Variants in ZDHHC14 observed in about 807,000 individuals in gnomAD.
ZDHHC14 encodes zDHHC palmitoyltransferase 14.
A neutral mutation model predicts 47.7 loss-of-function variants in ZDHHC14; 16 were observed. The ratio of observed to expected loss-of-function variants is 0.34; its 90% CI spans 0.23 to 0.51. The LOEUF (loss-of-function observed/expected upper bound fraction) is 0.51. ZDHHC14 is among the 20% of genes least tolerant of loss of function. The probability of loss-of-function intolerance (pLI) is 0.97; values close to 1 mark genes in which losing one functional copy is unlikely to be tolerated. For missense variants in ZDHHC14, 515 were observed against 662.5 expected (o/e 0.78, Z 2.44); for synonymous variants, 293 against 278.9 (o/e 1.05, Z -0.50).
intron 1 of ZDHHC14, among the ~76,000 whole-genome samples, chr6:157,541,604 G>A (rs995144799): frequency 2.6e-5 from 4 of 152,162 alleles, no homozygotes; most frequent in East Asian, 1.9e-4. Context: ...GTGATTCTGC[G>A]TCATGTTCCC....
intron 1 of ZDHHC14, among the ~76,000 whole-genome samples, chr6:157,528,539 GGC>G (rs1413811657): frequency 6.6e-6 from 1 of 152,036 alleles, no homozygotes; most frequent in Non-Finnish European, 1.5e-5. Flanking sequence ...AGACCATCCT[GGC>G]TAACATGGTG....
At chr6:157,552,879 T>C (rs927246921) in intron 2 of ZDHHC14, among the ~76,000 whole-genome samples, 2 of 152,248 alleles carry the variant, frequency 1.3e-5, no homozygotes, top group African/African-American at 4.8e-5. Flanking sequence ...TAGAGCCATC[T>C]GCCAAACTAC....
At position 157,504,622 on chromosome 6, in the gene ZDHHC14, G is replaced by GTTTAAACGAAGAA. The variant is rs534093663; in HGVS notation, c.246-37963_246-37962insTTTAAACGAAGAA. Among the ~76,000 whole-genome samples, 30 of 149,744 alleles carry GTTTAAACGAAGAA rather than the reference G, an allele frequency of 2.0e-4. No individual in the cohort carries two copies. The South Asian group carries it at 6.2e-3, about 31-fold the overall frequency. On this transcript the variant is annotated intron_variant, in intron 1 of 8. Coordinates refer to ENST00000359775, the MANE Select transcript of ZDHHC14 (RefSeq NM_024630.3). ...GATGGGGTTTCACCACGTTGGCCAA[G>GTTTAAACGAAGAA]CTGGTCTTGAACTCCTGACCTCAGG...
chr6:157,553,690 C>T (rs1400465486), intron 2 of ZDHHC14, among the ~76,000 whole-genome samples: 1 of 152,130 alleles, frequency 6.6e-6, no homozygotes, highest in African/African-American at 2.4e-5. Context: ...TATCTCCCTT[C>T]CCTCTGTGCC....
Position 157,518,324 on chromosome 6 carries a change from AGGCAT to A in ZDHHC14, c.246-24258_246-24254del, listed in dbSNP as rs550964380. On this transcript the variant is annotated intron_variant, in intron 1 of 8. Transcript: ENST00000359775. ...TGGTCCCTGTTGGGCAGTAGCTCAC[AGGCAT>A]GGACTGAGGTCTCAGAAGGACTATG... Among the ~76,000 whole-genome samples, 970 of 140,718 alleles carry A rather than the reference AGGCAT, an allele frequency of 6.9e-3. 15 individuals carry two copies. Among genetic ancestry groups the A allele is most frequent in the African/African-American group, 0.023 (883 of 37,642 alleles). The allele number at this position is 140,718 out of a possible 152,430, so 92.3% of individuals were successfully genotyped here. A position where few individuals can be genotyped will look rare whatever the true frequency, so the allele number is the denominator to read the frequency against.
At position 157,463,893 on chromosome 6, in the gene ZDHHC14, C is replaced by T. The variant is rs984417560; in HGVS notation, c.246-78692C>T. Among the ~76,000 whole-genome samples, 1 of 152,062 alleles carries T rather than the reference C, an allele frequency of 6.6e-6. No homozygotes were observed. Among genetic ancestry groups the T allele is most frequent in the African/African-American group, 2.4e-5 (1 of 41,372 alleles). On this transcript the variant is annotated intron_variant, in intron 1 of 8. Transcript: ENST00000359775. The surrounding 1 kb of genome is among the most constrained non-coding windows in gnomAD (Gnocchi z 4.4). ...TACAAAAATTAGCCAGGCATTGTGG[C>T]TCATGCCTGCAGTCCCAGCTACTCA...
chr6:157,568,985 A>T (rs955270308), intron 2 of ZDHHC14, among the ~76,000 whole-genome samples: 1 of 152,102 alleles, frequency 6.6e-6, no homozygotes, highest in Non-Finnish European at 1.5e-5. Context: ...CTTTAAAGAT[A>T]CTACCCTTTG....
intron 2 of ZDHHC14, among the ~76,000 whole-genome samples, chr6:157,560,510 A>G (rs148780920): frequency 0.025 from 3,864 of 152,360 alleles, 179 homozygotes; most frequent in African/African-American, 0.089. Context: ...AATTGGATGT[A>G]CATTGGGATC....
chr6:157,597,428 G>T (rs1039607895), intron 3 of ZDHHC14, among the ~76,000 whole-genome samples: 1 of 152,226 alleles, frequency 6.6e-6, no homozygotes, highest in African/African-American at 2.4e-5. Flanking sequence ...GCTGGAATGC[G>T]TATTTTTAGT....
chr6:157,550,510 C>T (rs562844343), intron 2 of ZDHHC14, among the ~76,000 whole-genome samples: 1 of 135,818 alleles, frequency 7.4e-6, no homozygotes, highest in East Asian at 1.9e-4. Flanking sequence ...CTAGAGAGAC[C>T]ACAGCGTCAC....
At chr6:157,457,553 A>G (rs1778952414) in intron 1 of ZDHHC14, among the ~76,000 whole-genome samples, 1 of 152,198 alleles carries the variant, frequency 6.6e-6, no homozygotes, top group South Asian at 2.1e-4. Flanking sequence ...TACAATATTC[A>G]CTGGAATATT....
chr6:157,605,789 T>C (rs1171874685), intron 3 of ZDHHC14, among the ~76,000 whole-genome samples: 1 of 152,108 alleles, frequency 6.6e-6, no homozygotes, highest in Non-Finnish European at 1.5e-5. Flanking sequence ...TGAATGAGAC[T>C]CTGCGTGGGC....
rs1645230073 is a variant in ZDHHC14, at chr6:157,677,236, C to T, written c.*4114C>T. The T allele has an allele frequency of 8.1e-6, 1 of 122,712 alleles. No homozygotes were observed. Among genetic ancestry groups the T allele is most frequent in the African/African-American group, 3.0e-5 (1 of 33,138 alleles). 7.6% of individuals were successfully genotyped at this position (122,712 alleles called of 1,614,324 possible). ...TTGTATGCTATTTTCCAAGGTACCT[C>T]ATTTAAAAAAAAAAAAAAAAAAAAA... is the stretch of plus-strand genomic sequence containing the variant. On this transcript the variant is annotated 3_prime_UTR_variant, in exon 9 of 9. Transcript: ENST00000359775.
chr6:157,612,459 C>G (rs1364612805), intron 3 of ZDHHC14, among the ~76,000 whole-genome samples: 1 of 152,360 alleles, frequency 6.6e-6, no homozygotes, highest in Admixed American at 6.5e-5. Flanking sequence ...CCCGAGGTCT[C>G]CTCTGGTTCC....
chr6:157,398,871 G>T lies in ZDHHC14; in HGVS notation c.245+16605G>T, dbSNP rs140227408. Among the ~76,000 whole-genome samples, 1,121 of 152,314 alleles carry T rather than the reference G, an allele frequency of 7.4e-3. 14 individuals are homozygous for T. Among genetic ancestry groups the T allele is most frequent in the African/African-American group, 0.026 (1,074 of 41,560 alleles). On this transcript the variant is annotated intron_variant, in intron 1 of 8. Coordinates refer to ENST00000359775, the MANE Select transcript of ZDHHC14 (RefSeq NM_024630.3). ...TACAAGAGAAGAGGAAAAGCTCTAT[G>T]TGTCTGACAGTAAACATTAAGTGGG...
chr6:157,610,293 G>A (rs1396137520), intron 3 of ZDHHC14, among the ~76,000 whole-genome samples: 4 of 152,098 alleles, frequency 2.6e-5, no homozygotes, highest in African/African-American at 7.2e-5. Context: ...TTAGTCAGGC[G>A]CGGTGGCAGG....
intron 1 of ZDHHC14, among the ~76,000 whole-genome samples, chr6:157,388,547 TA>T (rs1231915800): frequency 6.6e-6 from 1 of 152,218 alleles, no homozygotes; most frequent in East Asian, 1.9e-4. Context: ...GATCAATAGA[TA>T]CTTAATTAGT....
At chr6:157,651,507 G>T (rs771690149) in intron 7 of ZDHHC14, among the ~76,000 whole-genome samples, 3 of 152,140 alleles carry the variant, frequency 2.0e-5, no homozygotes, top group African/African-American at 4.8e-5. Context: ...GGTCACACTC[G>T]CAGGTACCAG....
intron 3 of ZDHHC14, among the ~76,000 whole-genome samples, chr6:157,621,028 G>A (rs1037782075): frequency 2.0e-4 from 31 of 152,170 alleles, no homozygotes; most frequent in African/African-American, 7.5e-4. Context: ...ATTAAAACAG[G>A]GGAAGGTGGA....
Sources: allele counts gnomAD v4.1 joint callset (sites outside exome capture counted in the v4.1 genomes callset), GRCh38; gene constraint gnomAD v4.1.1; non-coding constraint Gnocchi (gnomAD v3.1); transcripts MANE v1.5; gene names NCBI Gene and HGNC (gene_info 2026-07-23, HGNC 2026-07-21).